The following PTGIR variants were observed in gnomAD, a reference collection of about 807,000 sequenced individuals.
PTGIR encodes the protein prostacyclin receptor.
Under a neutral mutation model 17.6 loss-of-function variants are expected in PTGIR, and 16 were observed. The ratio of observed to expected loss-of-function variants is 0.91; its 90% confidence interval spans 0.61 to 1.38. The LOEUF is 1.38. Ranked by LOEUF, PTGIR falls within the 40% of genes most tolerant of loss-of-function variation. PTGIR has a pLI of 0.00. For missense variants in PTGIR, 532 were observed against 548.6 expected, an observed-to-expected ratio of 0.97 and a Z score of 0.30; for synonymous variants, 274 against 255.4, an observed-to-expected ratio of 1.07 and a Z score of -0.69.
At chr19:46,619,604 G>GAAAGAAGGAAA (rs1555816591), downstream of PTGIR, among the ~76,000 whole-genome samples, 5 of 67,202 alleles carry the variant, frequency 7.4e-5, no homozygotes, top group African/African-American at 2.7e-4. Flanking sequence ...AAGAAAGAAA[G>GAAAGAAGGAAA]GAAAGAAAGA....
At position 46,621,611 on chromosome 19, in the gene PTGIR, G is replaced by T; in HGVS notation, c.830C>A (p.Ala277Asp). 1 of 1,613,584 alleles carries T rather than the reference G, an allele frequency of 6.2e-7. No individual in the cohort carries two copies. Among genetic ancestry groups the T allele is most frequent in the Non-Finnish European group, 8.5e-7 (1 of 1,180,024 alleles). Residue 277 changes from alanine to aspartate, a missense_variant, in exon 3 of 3, where the codon GCC (alanine) becomes GAC (aspartate). Transcript: ENST00000291294. The surrounding 1 kb of genome is among the most constrained non-coding windows in gnomAD (Gnocchi z 4.8). ...GGGGTTGAAGGCGTAGAAGCGGAAG[G>T]CAAGGAGGTCCCCCATCTCACTGCT... The part of the protein sequence containing the change: ...DSSSEMGDLL[A>D]FRFYAFNPIL...
At chr19:46,624,528 C>T (rs896540168) in intron 1 of PTGIR, 1 of 282,964 alleles carries the variant, frequency 3.5e-6, no homozygotes, top group Non-Finnish European at 6.6e-6. Context: ...GATCTCGGCT[C>T]ACTGCAACCT....
At chr19:46,623,389 G>A (rs1021736748) in intron 2 of PTGIR, 69 bp downstream of exon 2, 2 of 1,430,850 alleles carry the variant, frequency 1.4e-6, no homozygotes. Context: ...CCCCATCTGT[G>A]ACATGGGCAC....
chr19:46,617,175 G>A (rs1386111406), downstream of PTGIR, among the ~76,000 whole-genome samples: 1 of 152,220 alleles, frequency 6.6e-6, no homozygotes, highest in African/African-American at 2.4e-5. Context: ...CAGGGGGGTG[G>A]GAGCGCGGGA....
rs1198051135 is a variant in PTGIR at position 46,623,588 on chromosome 19, A to G, written c.638T>C (p.Met213Thr). 2.6e-6 allele frequency: 4 copies of G among 1,550,918 alleles called. No homozygotes were observed. The highest frequency in any genetic ancestry group is 2.4e-5 in the East Asian group (1 of 41,114). The change falls in exon 2 of 3, where the codon ATG becomes ACG. Residue 213 changes from methionine to threonine, a missense_variant. Transcript: ENST00000291294. The part of the protein sequence containing the change: ...NGSVTLSLCR[M>T]YRQQKRHQGS... Reference sequence around the variant, plus strand: ...CTGGTGGCGCTTCTGCTGGCGGTACATGCGGCAGAGGCTGAGGGTGACCGA... The same window carrying G: ...CTGGTGGCGCTTCTGCTGGCGGTACGTGCGGCAGAGGCTGAGGGTGACCGA...
the PTGIR span, among the ~76,000 whole-genome samples, chr19:46,615,196 C>CA: frequency 1.2e-4 from 18 of 151,628 alleles, no homozygotes; most frequent in East Asian, 3.9e-4. Flanking sequence ...AAAAACAAAA[C>CA]AAAAAAAACA....
Position 46,624,013 on chromosome 19 carries a change from C to A in PTGIR, c.213G>T (p.Val71=), listed in dbSNP as rs759868419. 6.5e-7 allele frequency: 1 copy of A among 1,544,358 alleles called. No homozygotes were observed. Among genetic ancestry groups the A allele is most frequent in the South Asian group, 1.2e-5 (1 of 83,962 alleles). Residue 71 remains valine, a synonymous_variant, in exon 2 of 3, where the codon GTG becomes GTT. Transcript: ENST00000291294. ...LLGTSFLSPA[V]FVAYARNSSL... is the part of the protein sequence containing the mutation. Reference sequence around the variant, plus strand: ...AGCTGTTGCGCGCATAGGCCACGAACACGGCCGGGCTCAGGAAGCTGGTGC... The same window carrying A: ...AGCTGTTGCGCGCATAGGCCACGAAAACGGCCGGGCTCAGGAAGCTGGTGC...
rs747312106 is a variant in PTGIR at position 46,623,885 on chromosome 19, G to C, written c.341C>G (p.Ala114Gly). ...GCTCAGCGCCAGGCAGCGCTCCACG[G>C]CCATGGCAAAGAGGATGAGCATGGA... ...LASMLILFAM[A>G]VERCLALSHP... The change falls in exon 2 of 3, where the codon GCC becomes GGC. Residue 114 changes from alanine to glycine, a missense_variant. Ala to Gly is a moderately conservative substitution (Grantham distance 60). Transcript: ENST00000291294. 2 of 1,610,518 alleles carry C rather than the reference G, an allele frequency of 1.2e-6. No individual in the cohort carries two copies. Among genetic ancestry groups the C allele is most frequent in the Non-Finnish European group, 1.7e-6 (2 of 1,178,604 alleles).
In PTGIR at chr19:46,623,883, C is replaced by T. The variant is rs750906794; in HGVS notation, c.343G>A (p.Val115Met). Reference sequence around the variant, plus strand: ...TGGCTCAGCGCCAGGCAGCGCTCCACGGCCATGGCAAAGAGGATGAGCATG... The same window carrying T: ...TGGCTCAGCGCCAGGCAGCGCTCCATGGCCATGGCAAAGAGGATGAGCATG... ...ASMLILFAMA[V>M]ERCLALSHPY... is the part of the protein sequence containing the mutation. The change falls in exon 2 of 3, where the codon GTG becomes ATG. Residue 115 changes from valine (V) to methionine (M), a missense_variant. Coordinates refer to ENST00000291294, the MANE Select transcript of PTGIR (RefSeq NM_000960.4). 11 of 1,610,472 alleles carry T rather than the reference C, an allele frequency of 6.8e-6. No individual in the cohort carries two copies. Among genetic ancestry groups the T allele is most frequent in the Admixed American group, 3.3e-5 (2 of 59,788 alleles).
chr19:46,619,646 AAAG>A (rs776553222), downstream of PTGIR, among the ~76,000 whole-genome samples: 1,102 of 139,296 alleles, frequency 7.9e-3, 11 homozygotes, highest in Middle Eastern at 0.019. Flanking sequence ...AGAAAGAAAG[AAAG>A]AAAGAAAAGA....
Position 46,623,665 on chromosome 19 carries a change from G to A in PTGIR, c.561C>T (p.Ala187=), listed in dbSNP as rs1264299007. ...CCAGCAGGGCCACCAGGCCGGCGTA[G>A]GCCAGCGAGAAGGCGGCGCCGCCCG... is the stretch of plus-strand genomic sequence containing the variant. ...AQPGGAAFSL[A]YAGLVALLVA... is the part of the protein sequence containing the mutation. Residue 187 remains alanine, a synonymous_variant, in exon 2 of 3, where the codon GCC becomes GCT. Coordinates refer to ENST00000291294, the MANE Select transcript of PTGIR (RefSeq NM_000960.4). The A allele has an allele frequency of 6.5e-7, 1 of 1,549,996 alleles. No individual in the cohort carries two copies. Among genetic ancestry groups the A allele is most frequent in the South Asian group, 1.2e-5 (1 of 84,726 alleles).
the PTGIR span, among the ~76,000 whole-genome samples, chr19:46,613,027 C>CTTTTTT: frequency 2.8e-4 from 21 of 74,234 alleles, 1 homozygote; most frequent in Non-Finnish European, 3.9e-4. Context: ...TTGTGCCAAA[C>CTTTTTT]TTTTTTTTTT....
At chr19:46,616,549 G>T (rs1278325815), downstream of PTGIR, among the ~76,000 whole-genome samples, 3 of 151,734 alleles carry the variant, frequency 2.0e-5, no homozygotes, top group African/African-American at 4.8e-5. Flanking sequence ...GGCCAGGTTG[G>T]TCTCAAACTC....
At chr19:46,613,543 G>A in the PTGIR span, among the ~76,000 whole-genome samples, 1 of 151,902 alleles carries the variant, frequency 6.6e-6, no homozygotes, top group African/African-American at 2.4e-5. Flanking sequence ...TGTTGCCCAG[G>A]CTGGTCTCAA....
intron 1 of PTGIR, 132 bp from the exon 2 acceptor site, chr19:46,624,369 G>T: frequency 1.3e-6 from 1 of 765,876 alleles, no homozygotes; most frequent in Non-Finnish European, 1.9e-6. Context: ...TCTCCTGTGT[G>T]TGCGGGTATG....
At chr19:46,622,416 G>C (rs1243525029) in intron 2 of PTGIR, 13 of 983,954 alleles carry the variant, frequency 1.3e-5, no homozygotes, top group Non-Finnish European at 1.6e-5. Flanking sequence ...ACGTTCTCTT[G>C]GTTTCCTGCC....
chr19:46,611,966 TC>T, the PTGIR span, among the ~76,000 whole-genome samples: 7 of 152,206 alleles, frequency 4.6e-5, no homozygotes, highest in African/African-American at 1.7e-4. Context: ...CCTGGCCCAA[TC>T]CCAGGGCCCT....
At chr19:46,619,662 G>GAAAAGAAAAGAAAAGA (rs375083652), downstream of PTGIR, among the ~76,000 whole-genome samples, 1 of 128,544 alleles carries the variant, frequency 7.8e-6, no homozygotes, top group Non-Finnish European at 1.7e-5. Context: ...AGAAAAGAAA[G>GAAAAGAAAAGAAAAGA]AAAGAAAGAA....
intron 2 of PTGIR, chr19:46,622,069 A>T (rs2052735505): frequency 4.1e-6 from 4 of 985,432 alleles, no homozygotes; most frequent in Non-Finnish European, 1.2e-6. Flanking sequence ...GAGTCAGAGT[A>T]ACCCCCAAAA....
Sources: allele counts gnomAD v4.1 joint callset (sites outside exome capture counted in the v4.1 genomes callset), GRCh38; gene constraint gnomAD v4.1.1; non-coding constraint Gnocchi (gnomAD v3.1); transcripts MANE v1.5; gene names NCBI Gene and HGNC (gene_info 2026-07-23, HGNC 2026-07-21).